FMN1: variants seen among roughly 807,000 people sequenced by gnomAD.
The protein encoded by FMN1 is formin 1.
A neutral mutation model predicts 132.4 loss-of-function variants in FMN1; 110 were observed. The observed-to-expected ratio is 0.83, with a 90% confidence interval of 0.71 to 0.97. FMN1 has a LOEUF of 0.97. Among genes scored for constraint, FMN1 ranks in the 50% least tolerant of loss-of-function variants. The pLI, the probability that FMN1 is intolerant of heterozygous loss-of-function variation, is 0.00. For synonymous variants in FMN1, 722 were observed against 651.7 expected (o/e 1.11, Z -1.64); for missense variants, 1,792 against 1,705.3 (o/e 1.05, Z -0.90).
intron 15 of FMN1, among the ~76,000 whole-genome samples, chr15:32,892,253 T>C (rs1391956100): frequency 2.0e-5 from 3 of 152,150 alleles, no homozygotes; most frequent in Non-Finnish European, 4.4e-5. Flanking sequence ...TTGCTGAGAG[T>C]TTTAATCATA....
intron 6 of FMN1, among the ~76,000 whole-genome samples, chr15:33,061,430 T>C (rs925848119): frequency 3.3e-5 from 5 of 152,024 alleles, no homozygotes; most frequent in Admixed American, 6.6e-5. Flanking sequence ...TATATACATA[T>C]ATACAAATAT....
chr15:32,805,590 T>C (rs74607190), intron 17 of FMN1, among the ~76,000 whole-genome samples: 4,473 of 152,296 alleles, frequency 0.029, 214 homozygotes, highest in African/African-American at 0.1. Context: ...ACATAGCTAA[T>C]AGTGGCCAAA....
At chr15:32,919,006 A>G (rs1360149090) in intron 10 of FMN1, among the ~76,000 whole-genome samples, 1 of 152,200 alleles carries the variant, frequency 6.6e-6, no homozygotes, top group Non-Finnish European at 1.5e-5. Context: ...ATTTTAAAAA[A>G]TTTAGCTCTA....
chr15:33,060,522 G>A (rs536031822), intron 6 of FMN1, among the ~76,000 whole-genome samples: 5 of 152,188 alleles, frequency 3.3e-5, no homozygotes, highest in Admixed American at 2.0e-4. Flanking sequence ...AAATAGGGAT[G>A]TTTCTAAATT....
chr15:33,030,165 A>G (rs1306166842), intron 6 of FMN1, among the ~76,000 whole-genome samples: 1 of 152,216 alleles, frequency 6.6e-6, no homozygotes, highest in East Asian at 1.9e-4. Flanking sequence ...CTCAAAAATA[A>G]ACAAACAAAA....
intron 9 of FMN1, among the ~76,000 whole-genome samples, chr15:32,934,925 T>C (rs985048045): frequency 1.4e-5 from 2 of 147,970 alleles, no homozygotes; most frequent in African/African-American, 5.2e-5. Flanking sequence ...ATTTTTCTTT[T>C]TCTTTTTTTT....
intron 17 of FMN1, among the ~76,000 whole-genome samples, chr15:32,812,357 C>G (rs1209004491): frequency 6.6e-6 from 1 of 152,176 alleles, no homozygotes; most frequent in East Asian, 1.9e-4. Flanking sequence ...TACTCCTTAT[C>G]TGAAATGCCT....
chr15:33,008,761 G>A (rs1020975220), intron 6 of FMN1, among the ~76,000 whole-genome samples: 34 of 152,310 alleles, frequency 2.2e-4, no homozygotes, highest in African/African-American at 8.2e-4. Context: ...GAAGCATGCA[G>A]CTGTCAAGAC....
At position 32,774,126 on chromosome 15, in the gene FMN1, G is replaced by A. The variant is rs16958710; in HGVS notation, c.*184C>T. ...TTAAATAGTTTTCCATTGTTCCTGC[G>A]GCTTAATGAGGGACTTCTTAAAGAA... is the stretch of plus-strand genomic sequence containing the variant. On this transcript the variant is annotated 3_prime_UTR_variant, in exon 21 of 21. Coordinates refer to ENST00000616417, the MANE Select transcript of FMN1 (RefSeq NM_001277313.2). The A allele has an allele frequency of 0.11, 66,507 of 604,430 alleles. 3,951 individuals are homozygous for A. The highest frequency in any genetic ancestry group is 0.13 in the East Asian group (4,031 of 30,988). The allele number at this position is 604,430 out of a possible 1,614,324, so 37.4% of individuals were successfully genotyped here.
intron 5 of FMN1, among the ~76,000 whole-genome samples, chr15:33,077,169 C>T (rs2038244621): frequency 2.0e-5 from 3 of 152,138 alleles, no homozygotes; most frequent in South Asian, 4.2e-4. Context: ...GCTGGGACCA[C>T]ACGTGCATGC....
chr15:32,817,369 A>G (rs939908679), intron 17 of FMN1, among the ~76,000 whole-genome samples: 1 of 152,236 alleles, frequency 6.6e-6, no homozygotes, highest in African/African-American at 2.4e-5. Context: ...AATATTGGCT[A>G]TTGCTTACAA....
chr15:33,118,870 AG>A (rs1172978643), intron 4 of FMN1, among the ~76,000 whole-genome samples: 1 of 152,030 alleles, frequency 6.6e-6, no homozygotes, highest in Non-Finnish European at 1.5e-5. Flanking sequence ...GTCTTTATGA[AG>A]AAAATAATGT....
At chr15:32,831,138 GT>G (rs1312888111) in intron 17 of FMN1, among the ~76,000 whole-genome samples, 1 of 151,934 alleles carries the variant, frequency 6.6e-6, no homozygotes, top group Non-Finnish European at 1.5e-5. Flanking sequence ...TTCCTCAAGG[GT>G]TTTTTTATTC....
In FMN1 at chr15:32,792,120, A is replaced by G. The variant is rs141499356; in HGVS notation, c.4130+6684T>C. Reference sequence around the variant, plus strand: ...GTAGTCACCTTCGCAGAGAGACCCAATATATTATCAGAGCAACGAGGCATT... The same window carrying G: ...GTAGTCACCTTCGCAGAGAGACCCAGTATATTATCAGAGCAACGAGGCATT... On this transcript the variant is annotated intron_variant, in intron 19 of 20. Transcript: ENST00000616417. Among the ~76,000 whole-genome samples the G allele has an allele frequency of 1.1e-3, 171 of 152,146 alleles. 1 individual carries two copies. Among genetic ancestry groups the G allele is most frequent in the African/African-American group, 3.9e-3 (163 of 41,496 alleles).
intron 3 of FMN1, among the ~76,000 whole-genome samples, chr15:33,158,671 T>A (rs1964774171): frequency 6.6e-6 from 1 of 152,078 alleles, no homozygotes; most frequent in South Asian, 2.1e-4. Context: ...GACTAAGGAG[T>A]TTCACTATCC....
At chr15:33,126,509 C>G (rs1238195859) in intron 4 of FMN1, among the ~76,000 whole-genome samples, 2 of 152,202 alleles carry the variant, frequency 1.3e-5, no homozygotes, top group Non-Finnish European at 2.9e-5. Flanking sequence ...ATCTACTCCT[C>G]TTATTCGCTG....
chr15:32,958,695 C>T (rs1217214399), intron 9 of FMN1, among the ~76,000 whole-genome samples: 1 of 152,126 alleles, frequency 6.6e-6, no homozygotes, highest in Non-Finnish European at 1.5e-5. Flanking sequence ...CTGTCCATTA[C>T]TTCTGAAATA....
At chr15:32,822,957 T>C (rs924148751) in intron 17 of FMN1, among the ~76,000 whole-genome samples, 12 of 152,214 alleles carry the variant, frequency 7.9e-5, no homozygotes, top group African/African-American at 2.9e-4. Context: ...ATCTTGCTAG[T>C]TGAGTCTCAC....
chr15:32,809,304 ACCTGTAACAGGTT>A (rs988974824), intron 17 of FMN1, among the ~76,000 whole-genome samples: 1 of 152,128 alleles, frequency 6.6e-6, no homozygotes, highest in Non-Finnish European at 1.5e-5. Flanking sequence ...CTATATGGTG[ACCTGTAACAGGTT>A]CCCCTCATTG....
Sources: allele counts gnomAD v4.1 joint callset (sites outside exome capture counted in the v4.1 genomes callset), GRCh38; gene constraint gnomAD v4.1.1; transcripts MANE v1.5; gene names NCBI Gene and HGNC (gene_info 2026-07-23, HGNC 2026-07-21).